LRRIQ4: variants seen among roughly 807,000 people sequenced by gnomAD.
The protein encoded by LRRIQ4 is leucine-rich repeat and IQ domain-containing protein 4.
A neutral mutation model predicts 40.1 loss-of-function variants in LRRIQ4; 21 were observed. That is an observed-to-expected ratio of 0.52 (90% CI 0.37 to 0.75). The LOEUF (loss-of-function observed/expected upper bound fraction) is 0.75. LRRIQ4 is among the 30% of genes least tolerant of loss of function. The probability of loss-of-function intolerance (pLI) is 0.00; values close to 1 mark genes in which losing one functional copy is unlikely to be tolerated. For missense variants in LRRIQ4, 655 were observed against 660.0 expected, an observed-to-expected ratio of 0.99 and a Z score of 0.08; for synonymous variants, 277 against 277.1, an observed-to-expected ratio of 1.00 and a Z score of 0.00.
At chr3:169,816,588 C>T (rs1779774819) in intron 1 of LRRIQ4, among the ~76,000 whole-genome samples, 2 of 151,094 alleles carry the variant, frequency 1.3e-5, no homozygotes, top group South Asian at 4.2e-4. Context: ...AAAAACCCAA[C>T]TTTTCATTTT....
Position 169,816,673 on chromosome 3 carries a change from A to G in LRRIQ4, c.-32+3627A>G, listed in dbSNP as rs182724992. 3.9e-3 allele frequency among the ~76,000 whole-genome samples: 473 copies of G among 121,506 alleles called. 5 individuals are homozygous for G. The South Asian group carries it at 0.044, about 11-fold the overall frequency. 79.7% of individuals were successfully genotyped at this position (121,506 alleles called of 152,430 possible). ...TGATTTTTGTGATTTCTTTTCTTCT[A>G]CTTTTTTTTTTTTTTTTGACAGAGT... On this transcript the variant is annotated intron_variant, in intron 1 of 5. Transcript: ENST00000340806.
At chr3:169,815,012 G>T (rs1307636291) in intron 1 of LRRIQ4, among the ~76,000 whole-genome samples, 1 of 152,260 alleles carries the variant, frequency 6.6e-6, no homozygotes, top group East Asian at 1.9e-4. Context: ...TTTTATGCCA[G>T]TACCATGCTA....
intron 5 of LRRIQ4, 139 bp downstream of exon 5, chr3:169,833,322 TC>T: frequency 1.6e-6 from 1 of 635,916 alleles, no homozygotes; most frequent in Non-Finnish European, 2.5e-6. Context: ...AACTTTTATG[TC>T]CCCAGGGCTA....
At chr3:169,821,814 A>G in intron 1 of LRRIQ4, 77 bp from the exon 2 acceptor site, 1 of 745,302 alleles carries the variant, frequency 1.3e-6, no homozygotes, top group East Asian at 3.2e-5. Flanking sequence ...CTAGGTTTTA[A>G]TTTTATTTTT....
Position 169,821,956 on chromosome 3 carries a change from C to T in LRRIQ4, c.35C>T (p.Pro12Leu), listed in dbSNP as rs2108266565. 1 of 1,500,300 alleles carries T rather than the reference C, an allele frequency of 6.7e-7. No homozygotes were observed. The highest frequency in any genetic ancestry group is 2.3e-5 in the East Asian group (1 of 42,736). 92.9% of individuals were successfully genotyped at this position (1,500,300 alleles called of 1,614,324 possible). ...GACATAAAATCAGTAGAACATTCAC[C>T]TAAAATTCATCAGAGAAATGATCCA... The part of the protein sequence containing the change: ...SKDIKSVEHS[P>L]KIHQRNDPQH... The change falls in exon 2 of 6, where the codon CCT becomes CTT. Residue 12 changes from proline (P) to leucine (L), a missense_variant. Transcript: ENST00000340806.
At chr3:169,824,444 A>C (rs1360007972) in intron 2 of LRRIQ4, among the ~76,000 whole-genome samples, 1 of 152,038 alleles carries the variant, frequency 6.6e-6, no homozygotes, top group Non-Finnish European at 1.5e-5. Context: ...GCAGTTGGGC[A>C]CGCGTGGGTT....
intron 4 of LRRIQ4, 28 bp downstream of exon 4, chr3:169,830,658 T>A: frequency 6.2e-7 from 1 of 1,613,494 alleles, no homozygotes; most frequent in East Asian, 2.2e-5. Flanking sequence ...ATTCACAGCC[T>A]AGCAGAGTTT....
In LRRIQ4 at chr3:169,822,368, G is replaced by C. The variant is rs1482154836; in HGVS notation, c.447G>C (p.Leu149=). ...KNLHHLELLG[L]TGNHLKCLPK... ...TCCACCATCTCGAGCTGCTCGGACT[G>C]ACCGGAAACCACCTGAAATGTCTGC... Residue 149 remains leucine (L), a synonymous_variant, in exon 2 of 6, where the codon CTG becomes CTC. Transcript: ENST00000340806. 6.2e-7 allele frequency: 1 copy of C among 1,612,838 alleles called. No individual in the cohort carries two copies. The highest frequency in any genetic ancestry group is 8.5e-7 in the Non-Finnish European group (1 of 1,179,444).
chr3:169,835,777 T>A (rs1000060204), intron 5 of LRRIQ4, among the ~76,000 whole-genome samples: 1 of 151,976 alleles, frequency 6.6e-6, no homozygotes, highest in East Asian at 1.9e-4. Flanking sequence ...TCACTGGACT[T>A]CAGTCACAAG....
intron 1 of LRRIQ4, among the ~76,000 whole-genome samples, chr3:169,813,812 C>T (rs1233505272): frequency 2.0e-5 from 3 of 152,158 alleles, no homozygotes; most frequent in Non-Finnish European, 2.9e-5. Flanking sequence ...TTGTTCAAGA[C>T]GCCAAGAACC....
intron 3 of LRRIQ4, 150 bp from the exon 4 acceptor site, chr3:169,830,342 C>G (rs1203895586): frequency 1.9e-6 from 1 of 517,576 alleles, no homozygotes; most frequent in Non-Finnish European, 3.1e-6. Flanking sequence ...CATGCTTTTT[C>G]CCTTAACTCA....
chr3:169,831,749 A>G (rs1780184418), intron 4 of LRRIQ4, among the ~76,000 whole-genome samples: 1 of 151,138 alleles, frequency 6.6e-6, no homozygotes, highest in African/African-American at 2.4e-5. Flanking sequence ...AGGGCAGATC[A>G]CCTGAGGTTA....
intron 1 of LRRIQ4, among the ~76,000 whole-genome samples, chr3:169,821,165 T>C (rs1201085086): frequency 1.3e-5 from 2 of 152,224 alleles, no homozygotes; most frequent in Non-Finnish European, 2.9e-5. Context: ...TGTTGTTGTT[T>C]TTGTTTTTGT....
chr3:169,813,449 A>C (rs9809275), intron 1 of LRRIQ4, among the ~76,000 whole-genome samples: 2,385 of 152,300 alleles, frequency 0.016, 67 homozygotes, highest in African/African-American at 0.054. Flanking sequence ...CTTGATACTG[A>C]AATGGTAATA....
At chr3:169,832,288 T>G (rs572983126) in intron 4 of LRRIQ4, among the ~76,000 whole-genome samples, 12 of 151,648 alleles carry the variant, frequency 7.9e-5, no homozygotes, top group African/African-American at 2.4e-4. Context: ...GCCAATACAG[T>G]GAAACCCCAT....
chr3:169,835,401 T>G (rs1196518365), intron 5 of LRRIQ4, among the ~76,000 whole-genome samples: 1 of 151,490 alleles, frequency 6.6e-6, no homozygotes, highest in East Asian at 1.9e-4. Context: ...TGTGTCCTAA[T>G]GATTTTTGGA....
At chr3:169,833,628 C>A (rs1251491144) in intron 5 of LRRIQ4, among the ~76,000 whole-genome samples, 3 of 152,182 alleles carry the variant, frequency 2.0e-5, no homozygotes, top group Non-Finnish European at 4.4e-5. Flanking sequence ...CTGCTCTAGC[C>A]CTTTGAGCCC....
intron 2 of LRRIQ4, 76 bp downstream of exon 2, chr3:169,823,017 A>ACAGCAAAT: frequency 7.7e-7 from 1 of 1,296,674 alleles, no homozygotes; most frequent in Non-Finnish European, 1.0e-6. Flanking sequence ...CTGTATCTAA[A>ACAGCAAAT]CAGCAAATTT....
intron 1 of LRRIQ4, among the ~76,000 whole-genome samples, chr3:169,815,368 G>C (rs1779743237): frequency 6.6e-6 from 1 of 151,962 alleles, no homozygotes; most frequent in Non-Finnish European, 1.5e-5. Context: ...CTTTGGTTGA[G>C]TTTGTTCTTA....
Sources: allele counts gnomAD v4.1 joint callset (sites outside exome capture counted in the v4.1 genomes callset), GRCh38; gene constraint gnomAD v4.1.1; transcripts MANE v1.5; gene names NCBI Gene and HGNC (gene_info 2026-07-23, HGNC 2026-07-21).